KCNB2: variants seen among roughly 807,000 people sequenced by gnomAD.
KCNB2 encodes the protein potassium voltage-gated channel subfamily B member 2, also known as delayed rectifier potassium channel protein.
KCNB2 carries 15 observed loss-of-function variants against 61.5 expected under a neutral mutation model. The observed-to-expected ratio is 0.24, with a 90% CI of 0.16 to 0.38. The LOEUF (loss-of-function observed/expected upper bound fraction) is 0.38. KCNB2 is among the 10% of genes least tolerant of loss of function. The pLI is 1.00. For synonymous variants in KCNB2, 457 were observed against 446.0 expected (o/e 1.02, Z -0.31); for missense variants, 828 against 1,125.2 (o/e 0.74, Z 3.78).
chr8:72,768,163 T>C (rs1407775806), intron 2 of KCNB2, among the ~76,000 whole-genome samples: 2 of 152,190 alleles, frequency 1.3e-5, no homozygotes, highest in East Asian at 3.8e-4. Flanking sequence ...TCCTATTTTG[T>C]GTGTTGTCTT....
At chr8:72,859,117 C>A (rs930306590) in intron 2 of KCNB2, among the ~76,000 whole-genome samples, 4 of 152,152 alleles carry the variant, frequency 2.6e-5, no homozygotes, top group Non-Finnish European at 5.9e-5. Flanking sequence ...AGAGTAGTAC[C>A]TCTCAGTGTG....
rs577063307 is a variant in KCNB2 at position 72,738,749 on chromosome 8, GC to G, written c.579+170437del. Among the ~76,000 whole-genome samples the G allele has an allele frequency of 3.5e-4, 54 of 152,262 alleles. No homozygotes were observed. The Middle Eastern group carries it at 0.017, about 48-fold the overall frequency. On this transcript the variant is annotated intron_variant, in intron 2 of 2. Coordinates refer to ENST00000523207, the MANE Select transcript of KCNB2 (RefSeq NM_004770.3). ...GACTTGGTGGTTCTGGCAAAATGCA[GC>G]TCAGTACCAGGGCACAGAGGGTCAA...
intron 2 of KCNB2, among the ~76,000 whole-genome samples, chr8:72,907,828 G>A (rs1296670031): frequency 6.6e-6 from 1 of 152,058 alleles, no homozygotes; most frequent in Non-Finnish European, 1.5e-5. Flanking sequence ...GAAGTTTATA[G>A]CCTTAATATA....
intron 2 of KCNB2, among the ~76,000 whole-genome samples, chr8:72,767,161 G>T (rs1808472750): frequency 6.6e-6 from 1 of 152,118 alleles, no homozygotes; most frequent in African/African-American, 2.4e-5. Flanking sequence ...GTTGAGATTT[G>T]GGTGGGGACA....
At chr8:72,708,774 A>G (rs1382277162) in intron 2 of KCNB2, among the ~76,000 whole-genome samples, 4 of 152,168 alleles carry the variant, frequency 2.6e-5, no homozygotes, top group Non-Finnish European at 4.4e-5. Flanking sequence ...AACTCACAAT[A>G]ATGTCTTTTT....
intron 2 of KCNB2, among the ~76,000 whole-genome samples, chr8:72,585,575 T>C (rs1449425755): frequency 2.6e-5 from 4 of 152,222 alleles, no homozygotes; most frequent in Non-Finnish European, 5.9e-5. Context: ...TCTATGTTAC[T>C]CAGGCTGGTC....
intron 2 of KCNB2, among the ~76,000 whole-genome samples, chr8:72,909,553 G>T (rs553642809): frequency 1.4e-4 from 22 of 152,174 alleles, no homozygotes; most frequent in African/African-American, 4.3e-4. Flanking sequence ...GAAGATTAGA[G>T]GTGATGGGAG....
intron 2 of KCNB2, among the ~76,000 whole-genome samples, chr8:72,800,503 C>T (rs768935352): frequency 1.3e-5 from 2 of 152,056 alleles, no homozygotes; most frequent in Non-Finnish European, 2.9e-5. Context: ...TCAACAAAAG[C>T]CTCTGTGTTT....
At chr8:72,598,344 A>C (rs550634709) in intron 2 of KCNB2, among the ~76,000 whole-genome samples, 2 of 152,362 alleles carry the variant, frequency 1.3e-5, no homozygotes, top group Non-Finnish European at 2.9e-5. Context: ...AACCAAAGAC[A>C]AAAACCACAT....
intron 1 of KCNB2, among the ~76,000 whole-genome samples, chr8:72,546,206 C>A (rs937826243): frequency 1.6e-4 from 25 of 151,802 alleles, no homozygotes; most frequent in African/African-American, 6.1e-4. Context: ...AAAAATAAGC[C>A]ATCTCCGTGA....
intron 2 of KCNB2, among the ~76,000 whole-genome samples, chr8:72,714,248 C>G (rs1056576804): frequency 1.3e-5 from 2 of 152,154 alleles, no homozygotes; most frequent in South Asian, 2.1e-4. Context: ...AGGATATTAT[C>G]CAGGAGAACT....
chr8:72,916,477 C>T (rs946392034), intron 2 of KCNB2, among the ~76,000 whole-genome samples: 8 of 152,140 alleles, frequency 5.3e-5, no homozygotes, highest in African/African-American at 1.9e-4. Flanking sequence ...TCCATGGGGG[C>T]CCTGCAGCAG....
Position 72,814,410 on chromosome 8 carries a change from C to T in KCNB2, c.580-121525C>T, listed in dbSNP as rs531365534. On this transcript the variant is annotated intron_variant, in intron 2 of 2. Coordinates refer to ENST00000523207, the MANE Select transcript of KCNB2 (RefSeq NM_004770.3). Reference sequence around the variant, plus strand: ...GGCAAATGTTCAGCTTTTACAGGTACGACCAGTTTTCCAAAGTGGTTATAC... The same window carrying T: ...GGCAAATGTTCAGCTTTTACAGGTATGACCAGTTTTCCAAAGTGGTTATAC... Among the ~76,000 whole-genome samples, 81 of 152,234 alleles carry T rather than the reference C, an allele frequency of 5.3e-4. 1 individual carries two copies. Among genetic ancestry groups the T allele is most frequent in the South Asian group, 2.5e-3 (12 of 4,824 alleles).
At chr8:72,819,725 C>A (rs1033945168) in intron 2 of KCNB2, among the ~76,000 whole-genome samples, 4 of 152,204 alleles carry the variant, frequency 2.6e-5, no homozygotes, top group African/African-American at 9.6e-5. Flanking sequence ...TCATCATAAT[C>A]ATTATCATTC....
At position 72,629,228 on chromosome 8, in the gene KCNB2, G is replaced by A. The variant is rs186424698; in HGVS notation, c.579+60915G>A. ...GAAGACTCAGTGTTAACAATGGGAA[G>A]AGTCCTAGTAGCAGGAGGAATAGCC... On this transcript the variant is annotated intron_variant, in intron 2 of 2. Transcript: ENST00000523207. Among the ~76,000 whole-genome samples, 202 of 152,296 alleles carry A rather than the reference G, an allele frequency of 1.3e-3. 2 individuals are homozygous for A. Among genetic ancestry groups the A allele is most frequent in the African/African-American group, 4.5e-3 (186 of 41,570 alleles).
At chr8:72,827,396 A>G (rs1278024194) in intron 2 of KCNB2, among the ~76,000 whole-genome samples, 1 of 152,194 alleles carries the variant, frequency 6.6e-6, no homozygotes, top group Non-Finnish European at 1.5e-5. Context: ...ATACTCTGCC[A>G]TGGTGAAAAA....
At chr8:72,722,894 G>T (rs924748582) in intron 2 of KCNB2, among the ~76,000 whole-genome samples, 2 of 152,152 alleles carry the variant, frequency 1.3e-5, no homozygotes, top group Non-Finnish European at 2.9e-5. Context: ...TCCAAGCCCT[G>T]TTCACATTCT....
At chr8:72,753,696 A>G (rs1339740251) in intron 2 of KCNB2, among the ~76,000 whole-genome samples, 4 of 152,212 alleles carry the variant, frequency 2.6e-5, no homozygotes, top group Non-Finnish European at 5.9e-5. Context: ...AGTGTTCAGG[A>G]CTAGAATCAA....
At chr8:72,743,937 G>A (rs1294870326) in intron 2 of KCNB2, among the ~76,000 whole-genome samples, 3 of 151,954 alleles carry the variant, frequency 2.0e-5, no homozygotes, top group African/African-American at 4.8e-5. Flanking sequence ...TAGTGAATTC[G>A]GGAGCCCTAA....
Sources: allele counts gnomAD v4.1 joint callset (sites outside exome capture counted in the v4.1 genomes callset), GRCh38; gene constraint gnomAD v4.1.1; transcripts MANE v1.5; gene names NCBI Gene and HGNC (gene_info 2026-07-23, HGNC 2026-07-21).